Variants in SPPL2A observed in about 807,000 individuals in gnomAD.
SPPL2A encodes the protein signal peptide peptidase like 2A.
Under a neutral mutation model 63.8 loss-of-function variants are expected in SPPL2A, and 51 were observed. The observed-to-expected ratio is 0.80, with a 90% CI of 0.64 to 1.01. The LOEUF is 1.01. Ranked by LOEUF, SPPL2A falls within the 50% of genes least tolerant of loss-of-function variation. The pLI is 0.00. For synonymous variants in SPPL2A, 188 were observed against 205.8 expected, an observed-to-expected ratio of 0.91 and a Z score of 0.74; for missense variants, 553 against 622.7, an observed-to-expected ratio of 0.89 and a Z score of 1.19.
intron 12 of SPPL2A, 136 bp downstream of exon 12, chr15:50,725,085 G>A (rs2062675441): frequency 1.5e-6 from 1 of 654,850 alleles, no homozygotes; most frequent in African/African-American, 1.9e-5. Flanking sequence ...AAGCTTTTTT[G>A]TTATGACAAT....
Position 50,715,828 on chromosome 15 carries a change from A to T in SPPL2A, c.1488+4112T>A, listed in dbSNP as rs933657847. On this transcript the variant is annotated intron_variant, in intron 14 of 14. Coordinates refer to ENST00000261854, the MANE Select transcript of SPPL2A (RefSeq NM_032802.4). Reference sequence around the variant, plus strand: ...TTAAAATAGAACAAAGAAGACTAGAATTACTATAATGAACATCTTTTCACA... The same window carrying T: ...TTAAAATAGAACAAAGAAGACTAGATTTACTATAATGAACATCTTTTCACA... Among the ~76,000 whole-genome samples the T allele has an allele frequency of 2.0e-5, 3 of 152,320 alleles. No homozygotes were observed. The East Asian group carries it at 5.8e-4, about 29-fold the overall frequency.
intron 14 of SPPL2A, among the ~76,000 whole-genome samples, chr15:50,712,290 G>A (rs575602185): frequency 1.4e-4 from 22 of 152,260 alleles, no homozygotes; most frequent in African/African-American, 4.1e-4. Context: ...TAATTGGAGC[G>A]CCTACTTCCT....
chr15:50,721,481 A>G (rs946443505), intron 13 of SPPL2A, among the ~76,000 whole-genome samples: 2 of 149,680 alleles, frequency 1.3e-5, no homozygotes, highest in Non-Finnish European at 3.0e-5. Flanking sequence ...CCCAGGCTAT[A>G]GTGAAGTGGT....
chr15:50,721,236 G>C lies in SPPL2A; in HGVS notation c.1327+888C>G, dbSNP rs150083756. Among the ~76,000 whole-genome samples, 590 of 152,174 alleles carry C rather than the reference G, an allele frequency of 3.9e-3. 4 individuals are homozygous for C. Among genetic ancestry groups the C allele is most frequent in the African/African-American group, 0.014 (563 of 41,526 alleles). On this transcript the variant is annotated intron_variant, in intron 13 of 14. Coordinates refer to ENST00000261854, the MANE Select transcript of SPPL2A (RefSeq NM_032802.4). Reference sequence around the variant, plus strand: ...TTTAGTAGAGTTGAGATTTCACCATGTTGGCCAGGCTGGTCTCAAACGCCT... The same window carrying C: ...TTTAGTAGAGTTGAGATTTCACCATCTTGGCCAGGCTGGTCTCAAACGCCT...
At chr15:50,754,889 G>A (rs955789743) in intron 1 of SPPL2A, among the ~76,000 whole-genome samples, 11 of 152,108 alleles carry the variant, frequency 7.2e-5, no homozygotes, top group African/African-American at 2.4e-4. Context: ...GGCTGAGGCC[G>A]GAGAATCACT....
chr15:50,745,341 G>C (rs1047965118), intron 5 of SPPL2A, among the ~76,000 whole-genome samples: 1 of 152,034 alleles, frequency 6.6e-6, no homozygotes, highest in Non-Finnish European at 1.5e-5. Context: ...ACTAGAGATG[G>C]GGTTTCGCCA....
At chr15:50,752,883 T>TA (rs1330575876) in intron 1 of SPPL2A, among the ~76,000 whole-genome samples, 1 of 152,168 alleles carries the variant, frequency 6.6e-6, no homozygotes, top group Non-Finnish European at 1.5e-5. Context: ...GATCAGGATC[T>TA]GGGTCTTAAC....
rs61674724 is a variant in SPPL2A at position 50,703,356 on chromosome 15, A to ATTTTTTTTTTTT, written c.*4432_*4443dup. The ATTTTTTTTTTTT allele has an allele frequency of 1.6e-4, 10 of 62,042 alleles. No individual in the cohort carries two copies. The highest frequency in any genetic ancestry group is 2.8e-4 in the African/African-American group (4 of 14,240). The allele number at this position is 62,042 out of a possible 1,614,324, so 3.8% of individuals were successfully genotyped here. ...TATATATATATATATACATATATAT[A>ATTTTTTTTTTTT]TTTTTTTTTTTTTTTTTTTTTTTTG... On this transcript the variant is annotated 3_prime_UTR_variant, in exon 15 of 15. Coordinates refer to ENST00000261854, the MANE Select transcript of SPPL2A (RefSeq NM_032802.4).
intron 1 of SPPL2A, among the ~76,000 whole-genome samples, chr15:50,763,545 G>A (rs1161824823): frequency 6.6e-6 from 1 of 152,106 alleles, no homozygotes; most frequent in Non-Finnish European, 1.5e-5. Flanking sequence ...CTAGAACCGA[G>A]GAATATAGAA....
rs1215580638 is a variant in SPPL2A, at chr15:50,703,146, GC to G, written c.*4653del. 5.3e-5 allele frequency: 8 copies of G among 150,680 alleles called. No homozygotes were observed. In the South Asian group the frequency reaches 1.7e-3, roughly 32 times the overall value. The allele number at this position is 150,680 out of a possible 1,614,324, so 9.3% of individuals were successfully genotyped here. ...ACAGACACAATCACAGCTCACTACA[GC>G]CTCAAACTCCTGGGCTCAAGGGACC... On this transcript the variant is annotated 3_prime_UTR_variant, in exon 15 of 15. Coordinates refer to ENST00000261854, the MANE Select transcript of SPPL2A (RefSeq NM_032802.4).
At chr15:50,765,276 G>A (rs865979013) in intron 1 of SPPL2A, among the ~76,000 whole-genome samples, 192 bp downstream of exon 1, 1 of 152,084 alleles carries the variant, frequency 6.6e-6, no homozygotes, top group African/African-American at 2.4e-5. Flanking sequence ...GGGGAAAGAG[G>A]GTGGAAAAGA....
intron 1 of SPPL2A, among the ~76,000 whole-genome samples, chr15:50,761,362 A>T (rs1392293651): frequency 6.6e-6 from 1 of 152,104 alleles, no homozygotes; most frequent in East Asian, 1.9e-4. Context: ...CACACCTGCA[A>T]CCCCACACTT....
At position 50,704,342 on chromosome 15, in the gene SPPL2A, C is replaced by CAAAAAAA; in HGVS notation, c.*3451_*3457dup. The CAAAAAAA allele has an allele frequency of 1.3e-5, 1 of 79,034 alleles. No individual in the cohort carries two copies. The allele number at this position is 79,034 out of a possible 1,614,324, so 4.9% of individuals were successfully genotyped here. ...GGGCAAAAAGAGCGAAACTCTGTCT[C>CAAAAAAA]AAAAAAAAAAAAAAAAAAAAATCTA... On this transcript the variant is annotated 3_prime_UTR_variant, in exon 15 of 15. Transcript: ENST00000261854.
intron 8 of SPPL2A, among the ~76,000 whole-genome samples, chr15:50,733,226 G>A (rs2062744604): frequency 6.6e-6 from 1 of 152,096 alleles, no homozygotes; most frequent in Non-Finnish European, 1.5e-5. Context: ...TACTCCATCA[G>A]AAATTGACAT....
chr15:50,728,536 C>A (rs4445841), intron 10 of SPPL2A, among the ~76,000 whole-genome samples: 3 of 151,500 alleles, frequency 2.0e-5, no homozygotes, highest in Admixed American at 6.6e-5. Flanking sequence ...TTAGTAGAGA[C>A]GGGGTTTCAC....
At chr15:50,732,757 G>T in intron 8 of SPPL2A, 73 bp from the exon 9 acceptor site, 1 of 857,682 alleles carries the variant, frequency 1.2e-6, no homozygotes, top group Non-Finnish European at 1.9e-6. Flanking sequence ...ATAGATCACT[G>T]AGGTAATATC....
chr15:50,722,186 T>C lies in SPPL2A; in HGVS notation c.1265A>G (p.Tyr422Cys). 1 of 1,592,348 alleles carries C rather than the reference T, an allele frequency of 6.3e-7. No homozygotes were observed. The highest frequency in any genetic ancestry group is 8.6e-7 in the Non-Finnish European group (1 of 1,163,912). Reference sequence around the variant, plus strand: ...AGTCTGAACATCAAATCTTCTACAGTATGCAATCAACAGGCCTTAAAAACA... The same window carrying C: ...AGTCTGAACATCAAATCTTCTACAGCATGCAATCAACAGGCCTTAAAAACA... ...DIIVPGLLIA[Y>C]CRRFDVQTGS... Residue 422 changes from tyrosine to cysteine, a missense_variant, in exon 13 of 15, where the codon TAC becomes TGC. Tyr to Cys is a radical substitution (Grantham distance 194, BLOSUM62 -2). Coordinates refer to ENST00000261854, the MANE Select transcript of SPPL2A (RefSeq NM_032802.4).
intron 13 of SPPL2A, among the ~76,000 whole-genome samples, chr15:50,720,520 T>TC (rs2062637265): frequency 6.7e-6 from 1 of 148,950 alleles, no homozygotes; most frequent in Non-Finnish European, 1.5e-5. Flanking sequence ...AACTTTTCTT[T>TC]TTTTTTTTTT....
intron 1 of SPPL2A, among the ~76,000 whole-genome samples, chr15:50,757,515 C>T (rs1277345821): frequency 6.6e-6 from 1 of 152,172 alleles, no homozygotes; most frequent in East Asian, 1.9e-4. Context: ...TTCCTTCAGA[C>T]TGGTCCTGGA....
Sources: gnomAD v4.1 joint callset for allele counts (sites outside exome capture counted in the v4.1 genomes callset) on GRCh38, gnomAD v4.1.1 for gene constraint, MANE v1.5 for transcripts, NCBI Gene and HGNC (gene_info 2026-07-23, HGNC 2026-07-21) for gene names.